The following STXBP6 variants were observed in gnomAD, a reference collection of about 807,000 sequenced individuals.
STXBP6 encodes syntaxin-binding protein 6.
In STXBP6, 21 loss-of-function variants were observed where a neutral mutation model predicts 26.9. The ratio of observed to expected loss-of-function variants is 0.78; its 90% CI spans 0.55 to 1.12. The LOEUF is 1.12. STXBP6 is among the 50% of genes most tolerant of loss of function. The probability of loss-of-function intolerance (pLI) is 0.00; values close to 1 mark genes in which losing one functional copy is unlikely to be tolerated. For missense variants in STXBP6, 232 were observed against 257.9 expected (o/e 0.90, Z 0.69); for synonymous variants, 97 against 92.6 (o/e 1.05, Z -0.27).
intron 2 of STXBP6, among the ~76,000 whole-genome samples, chr14:24,866,269 G>A (rs981891342): frequency 4.6e-5 from 7 of 152,036 alleles, no homozygotes; most frequent in Non-Finnish European, 8.8e-5. Flanking sequence ...CCTCCAACCT[G>A]CCAGCCTGCC....
At chr14:24,897,022 T>C (rs980267998) in intron 2 of STXBP6, among the ~76,000 whole-genome samples, 3 of 152,132 alleles carry the variant, frequency 2.0e-5, no homozygotes, top group African/African-American at 7.2e-5. Context: ...TTGCACTAAA[T>C]CACTGGGAGG....
At chr14:24,828,911 G>GA (rs904941941) in intron 4 of STXBP6, among the ~76,000 whole-genome samples, 1 of 152,188 alleles carries the variant, frequency 6.6e-6, no homozygotes, top group Non-Finnish European at 1.5e-5. Flanking sequence ...CATTTTGGGA[G>GA]AAAACCCGTC....
chr14:24,944,715 C>T (rs1308882044), intron 2 of STXBP6, among the ~76,000 whole-genome samples: 1 of 152,168 alleles, frequency 6.6e-6, no homozygotes, highest in African/African-American at 2.4e-5. Context: ...TGAAACTTAA[C>T]ACATAACCAC....
At chr14:24,970,944 A>G (rs527633058) in intron 2 of STXBP6, among the ~76,000 whole-genome samples, 3 of 152,358 alleles carry the variant, frequency 2.0e-5, no homozygotes, top group Admixed American at 6.5e-5. Context: ...TTAATCACAG[A>G]GGCATCTCAG....
intron 1 of STXBP6, among the ~76,000 whole-genome samples, chr14:25,004,798 GCT>G (rs1286745157): frequency 6.6e-6 from 1 of 152,222 alleles, no homozygotes; most frequent in East Asian, 1.9e-4. Flanking sequence ...TCTACACTCA[GCT>G]ACTGGGGAGT....
chr14:24,968,271 G>C (rs961805858), intron 2 of STXBP6, among the ~76,000 whole-genome samples: 1 of 149,508 alleles, frequency 6.7e-6, no homozygotes, highest in Non-Finnish European at 1.5e-5. Flanking sequence ...GAATTTCTTC[G>C]TTTTTCCTGG....
At chr14:25,031,978 G>C (rs2075464597) in intron 1 of STXBP6, among the ~76,000 whole-genome samples, 1 of 152,152 alleles carries the variant, frequency 6.6e-6, no homozygotes, top group African/African-American at 2.4e-5. Context: ...TGAATTCCAA[G>C]AGAAGGTGGG....
intron 2 of STXBP6, among the ~76,000 whole-genome samples, chr14:24,946,267 T>C (rs933859480): frequency 7.0e-4 from 106 of 152,240 alleles, no homozygotes; most frequent in African/African-American, 2.4e-3. Context: ...AAAGTAAATA[T>C]AACAGTACTA....
At chr14:24,987,794 G>A (rs949604968) in intron 1 of STXBP6, 3 of 970,256 alleles carry the variant, frequency 3.1e-6, no homozygotes, top group Non-Finnish European at 3.7e-6. Flanking sequence ...CAAGGGAGAT[G>A]CAGAGTGGTG....
intron 2 of STXBP6, among the ~76,000 whole-genome samples, chr14:24,874,790 C>T (rs2070073266): frequency 6.6e-6 from 1 of 152,158 alleles, no homozygotes; most frequent in African/African-American, 2.4e-5. Context: ...GGGGTCCCAG[C>T]ACTACACGGT....
intron 1 of STXBP6, among the ~76,000 whole-genome samples, chr14:25,026,572 A>C (rs1477462750): frequency 6.6e-6 from 1 of 152,208 alleles, no homozygotes; most frequent in Non-Finnish European, 1.5e-5. Context: ...TTCAAGTCCG[A>C]TCTTACCACC....
chr14:24,858,291 C>CCCCCATTAAAGCA (rs1441980823), intron 2 of STXBP6, among the ~76,000 whole-genome samples: 16 of 152,088 alleles, frequency 1.1e-4, no homozygotes, highest in African/African-American at 3.9e-4. Context: ...GTTTCATTGT[C>CCCCCATTAAAGCA]GGGGGCCATT....
At chr14:24,900,456 G>A (rs956479306) in intron 2 of STXBP6, among the ~76,000 whole-genome samples, 4 of 152,194 alleles carry the variant, frequency 2.6e-5, no homozygotes, top group African/African-American at 7.2e-5. Context: ...GAAGCTCTGC[G>A]TATGCTTATT....
At chr14:24,973,211 T>C (rs1250345538) in intron 2 of STXBP6, among the ~76,000 whole-genome samples, 1 of 152,178 alleles carries the variant, frequency 6.6e-6, no homozygotes, top group Non-Finnish European at 1.5e-5. Context: ...CACTAGATAT[T>C]AATTGAGGCC....
chr14:24,918,107 G>A (rs975246536), intron 2 of STXBP6, among the ~76,000 whole-genome samples: 13 of 152,060 alleles, frequency 8.5e-5, no homozygotes, highest in Non-Finnish European at 1.2e-4. Flanking sequence ...CCAAGGGCTG[G>A]GGGAGGTTGT....
chr14:24,894,998 G>A (rs975392517), intron 2 of STXBP6, among the ~76,000 whole-genome samples: 3 of 150,296 alleles, frequency 2.0e-5, no homozygotes, highest in African/African-American at 4.9e-5. Flanking sequence ...TTTCTTTCTC[G>A]TGTGTTAGTA....
intron 2 of STXBP6, among the ~76,000 whole-genome samples, chr14:24,880,355 T>C (rs973145647): frequency 2.6e-5 from 4 of 152,070 alleles, no homozygotes; most frequent in African/African-American, 9.7e-5. Context: ...GAATGGAAAA[T>C]CTATTCCCAA....
At chr14:24,849,770 C>A (rs1225862411) in intron 4 of STXBP6, among the ~76,000 whole-genome samples, 1 of 152,154 alleles carries the variant, frequency 6.6e-6, no homozygotes, top group African/African-American at 2.4e-5. Context: ...TCTGTGTCTA[C>A]ATTCAGGCAT....
chr14:24,878,682 T>C lies in STXBP6; in HGVS notation c.155-21525A>G, dbSNP rs566386072. 16 of 353,502 alleles carry C rather than the reference T, an allele frequency of 4.5e-5. No homozygotes were observed. In the East Asian group the frequency reaches 1.1e-3, roughly 25 times the overall value. The allele number at this position is 353,502 out of a possible 1,614,324, so 21.9% of individuals were successfully genotyped here. The stretch of plus-strand genomic sequence containing the variant: ...TCAGTCCACCACTACAATGTGATAA[T>C]GGCCTTTTCTTAAACTGAATTTCTT... On this transcript the variant is annotated intron_variant, in intron 2 of 5. Coordinates refer to ENST00000323944, the MANE Select transcript of STXBP6 (RefSeq NM_001394410.1).
Sources: allele counts gnomAD v4.1 joint callset (sites outside exome capture counted in the v4.1 genomes callset), GRCh38; gene constraint gnomAD v4.1.1; transcripts MANE v1.5; gene names NCBI Gene and HGNC (gene_info 2026-07-23, HGNC 2026-07-21).